GPM6A: variants seen among roughly 807,000 people sequenced by gnomAD.
The protein encoded by GPM6A is glycoprotein M6A, also known as neuronal membrane glycoprotein M6-a.
GPM6A carries 7 observed loss-of-function variants against 32.1 expected under a neutral mutation model. The observed-to-expected ratio is 0.22, with a 90% confidence interval of 0.12 to 0.41. The LOEUF is 0.41. Among genes scored for constraint, GPM6A ranks in the 10% least tolerant of loss-of-function variants. GPM6A has a pLI of 1.00. For synonymous variants in GPM6A, 130 were observed against 123.4 expected (o/e 1.05, Z -0.35); for missense variants, 235 against 347.2 (o/e 0.68, Z 2.57).
chr4:175,903,601 G>A (rs905836062), intron 1 of GPM6A, among the ~76,000 whole-genome samples: 16 of 152,138 alleles, frequency 1.1e-4, no homozygotes, highest in African/African-American at 3.9e-4. Flanking sequence ...CTGATGTGAT[G>A]CACTGGGAAT....
intron 1 of GPM6A, chr4:175,787,961 A>C (rs1733865325): frequency 6.6e-6 from 1 of 152,198 alleles, no homozygotes; most frequent in Non-Finnish European, 1.5e-5. Flanking sequence ...ATATACTTTG[A>C]AGTTTTAAGT....
chr4:175,840,047 C>A (rs1308195465), intron 1 of GPM6A, among the ~76,000 whole-genome samples: 1 of 152,126 alleles, frequency 6.6e-6, no homozygotes, highest in East Asian at 1.9e-4. Flanking sequence ...TCATCAAGAA[C>A]AAACAGCTAT....
intron 1 of GPM6A, among the ~76,000 whole-genome samples, chr4:175,937,099 A>T (rs1419466687): frequency 6.6e-6 from 1 of 152,138 alleles, no homozygotes; most frequent in Non-Finnish European, 1.5e-5. Flanking sequence ...CTTTTATTAG[A>T]ATTAAAAATG....
intron 1 of GPM6A, among the ~76,000 whole-genome samples, chr4:175,799,306 C>G (rs1734366618): frequency 6.6e-6 from 1 of 152,070 alleles, no homozygotes. Flanking sequence ...ACATGCAGTT[C>G]TTTAATTTTT....
chr4:175,804,943 G>T (rs971118957), intron 1 of GPM6A, among the ~76,000 whole-genome samples: 1 of 152,094 alleles, frequency 6.6e-6, no homozygotes, highest in Admixed American at 6.5e-5. Flanking sequence ...TATTCGGGAG[G>T]CTGAGGCAGG....
chr4:175,847,301 C>T (rs536434172), intron 1 of GPM6A, among the ~76,000 whole-genome samples: 26 of 152,166 alleles, frequency 1.7e-4, no homozygotes, highest in Admixed American at 2.6e-4. Context: ...TGCATTATTG[C>T]TTTCTGCTCT....
intron 1 of GPM6A, among the ~76,000 whole-genome samples, chr4:175,914,637 T>C (rs1191101598): frequency 6.6e-6 from 1 of 152,176 alleles, no homozygotes; most frequent in African/African-American, 2.4e-5. Context: ...ATCTGCATTT[T>C]ACATAAGATA....
intron 1 of GPM6A, among the ~76,000 whole-genome samples, chr4:175,990,302 C>T: frequency 6.6e-6 from 1 of 152,290 alleles, no homozygotes; most frequent in East Asian, 1.9e-4. Flanking sequence ...AACCATCCAG[C>T]TGCTCGTCAA....
chr4:175,734,299 A>T (rs934243222), intron 1 of GPM6A, among the ~76,000 whole-genome samples: 1 of 152,054 alleles, frequency 6.6e-6, no homozygotes, highest in African/African-American at 2.4e-5. Context: ...CACCCAAAAG[A>T]CCCTCAATTA....
At chr4:175,771,044 C>T (rs1733167030) in intron 1 of GPM6A, among the ~76,000 whole-genome samples, 1 of 152,148 alleles carries the variant, frequency 6.6e-6, no homozygotes, top group Non-Finnish European at 1.5e-5. Flanking sequence ...AATGCCTCTT[C>T]GTTCCTCTGT....
chr4:175,777,834 A>G (rs1733454107), intron 1 of GPM6A, among the ~76,000 whole-genome samples: 1 of 152,188 alleles, frequency 6.6e-6, no homozygotes, highest in African/African-American at 2.4e-5. Context: ...ATTGTAAAAA[A>G]TAACTAATAA....
At chr4:175,840,768 C>A (rs113185528) in intron 1 of GPM6A, among the ~76,000 whole-genome samples, 7 of 152,154 alleles carry the variant, frequency 4.6e-5, no homozygotes, top group African/African-American at 1.7e-4. Context: ...AATGATAATT[C>A]AATGATATAT....
chr4:175,741,604 T>C (rs1170984050), intron 1 of GPM6A, among the ~76,000 whole-genome samples: 1 of 152,022 alleles, frequency 6.6e-6, no homozygotes, highest in East Asian at 1.9e-4. Context: ...AATAAATAGG[T>C]TCTACACACT....
chr4:175,799,034 T>C (rs568431324), intron 1 of GPM6A, among the ~76,000 whole-genome samples: 71 of 152,346 alleles, frequency 4.7e-4, no homozygotes, highest in Non-Finnish European at 1.3e-4. Context: ...TGATACGTAG[T>C]GCTTAAAATA....
chr4:175,969,752 T>C (rs1422440833), intron 1 of GPM6A, among the ~76,000 whole-genome samples: 1 of 152,132 alleles, frequency 6.6e-6, no homozygotes, highest in African/African-American at 2.4e-5. Flanking sequence ...CAACATTGAC[T>C]GATCAGTTAC....
chr4:175,765,414 G>A (rs1732924151), intron 1 of GPM6A, among the ~76,000 whole-genome samples: 1 of 152,092 alleles, frequency 6.6e-6, no homozygotes, highest in Non-Finnish European at 1.5e-5. Flanking sequence ...TATTGTAGTT[G>A]TATGTATTTT....
chr4:175,648,608 A>G (rs1307785632), intron 4 of GPM6A, among the ~76,000 whole-genome samples: 1 of 152,194 alleles, frequency 6.6e-6, no homozygotes, highest in African/African-American at 2.4e-5. Context: ...CAAAGCTAAA[A>G]CCAAAAGGTC....
chr4:175,684,897 A>AT (rs947867611), intron 2 of GPM6A, among the ~76,000 whole-genome samples: 112 of 149,774 alleles, frequency 7.5e-4, no homozygotes, highest in African/African-American at 2.4e-3. Flanking sequence ...TTTTATTATT[A>AT]TTTTTTTTTG....
At chr4:175,879,073 C>A (rs1292052476) in intron 1 of GPM6A, among the ~76,000 whole-genome samples, 1 of 152,142 alleles carries the variant, frequency 6.6e-6, no homozygotes, top group Non-Finnish European at 1.5e-5. Context: ...GCAAGAGACA[C>A]CTTTATTCCA....
Sources: allele counts gnomAD v4.1 joint callset (sites outside exome capture counted in the v4.1 genomes callset), GRCh38; gene constraint gnomAD v4.1.1; transcripts MANE v1.5; gene names NCBI Gene and HGNC (gene_info 2026-07-23, HGNC 2026-07-21).